BTBD9: variants seen among roughly 807,000 people sequenced by gnomAD.
BTBD9 encodes the protein BTB domain containing 9.
Under a neutral mutation model 64.3 loss-of-function variants are expected in BTBD9, and 49 were observed. The ratio of observed to expected loss-of-function variants is 0.76; its 90% CI spans 0.61 to 0.97. The LOEUF is 0.97. BTBD9 is among the 50% of genes least tolerant of loss of function. The pLI is 0.00. For synonymous variants in BTBD9, 260 were observed against 274.7 expected (o/e 0.95, Z 0.53); for missense variants, 598 against 762.1 (o/e 0.78, Z 2.53).
intron 1 of BTBD9, among the ~76,000 whole-genome samples, chr6:38,634,590 G>A (rs1273936497): frequency 2.0e-5 from 3 of 151,994 alleles, no homozygotes; most frequent in Admixed American, 1.3e-4. Context: ...AAAAAAGGGG[G>A]GGGAGAGGGC....
At chr6:38,315,092 C>T (rs1562012989) in intron 7 of BTBD9, among the ~76,000 whole-genome samples, 2 of 152,214 alleles carry the variant, frequency 1.3e-5, no homozygotes, top group Admixed American at 6.5e-5. Flanking sequence ...TCATGATCCG[C>T]CTGCCTCAGC....
chr6:38,589,516 C>T (rs961380106), intron 4 of BTBD9, among the ~76,000 whole-genome samples: 1 of 152,174 alleles, frequency 6.6e-6, no homozygotes, highest in Non-Finnish European at 1.5e-5. Context: ...TCTTCACTTG[C>T]CATCCTCCCA....
chr6:38,412,025 A>C (rs568699507), intron 6 of BTBD9, among the ~76,000 whole-genome samples: 1 of 152,280 alleles, frequency 6.6e-6, no homozygotes, highest in South Asian at 2.1e-4. Flanking sequence ...ATAATTTTAA[A>C]ATGGGTCAAT....
At chr6:38,581,760 G>GGA (rs768926325) in intron 4 of BTBD9, among the ~76,000 whole-genome samples, 2 of 152,070 alleles carry the variant, frequency 1.3e-5, no homozygotes, top group African/African-American at 2.4e-5. Context: ...GGGGTGGGGG[G>GGA]GAGACCATAT....
chr6:38,264,947 G>A (rs1764920474), intron 8 of BTBD9, among the ~76,000 whole-genome samples: 1 of 152,130 alleles, frequency 6.6e-6, no homozygotes, highest in South Asian at 2.1e-4. Flanking sequence ...CAGGAGGAGG[G>A]AAAAACTGGC....
At chr6:38,557,091 T>TA (rs1417013505) in intron 6 of BTBD9, among the ~76,000 whole-genome samples, 1 of 130,002 alleles carries the variant, frequency 7.7e-6, no homozygotes, top group African/African-American at 2.9e-5. Context: ...CTCACATCTG[T>TA]AATCCCAGCA....
At chr6:38,563,567 T>C (rs942991358) in intron 6 of BTBD9, among the ~76,000 whole-genome samples, 9 of 152,124 alleles carry the variant, frequency 5.9e-5, no homozygotes, top group South Asian at 2.1e-4. Flanking sequence ...GCATTTTTGA[T>C]AGACTACCAC....
At chr6:38,567,756 C>CATA (rs1349347176) in intron 6 of BTBD9, among the ~76,000 whole-genome samples, 1 of 152,190 alleles carries the variant, frequency 6.6e-6, no homozygotes, top group African/African-American at 2.4e-5. Flanking sequence ...GAACTTCTAC[C>CATA]ATTTATAATG....
rs534087919 is a variant in BTBD9, at chr6:38,527,111, C to T, written c.1154+50489G>A. On this transcript the variant is annotated intron_variant, in intron 6 of 10. Coordinates refer to ENST00000481247, the MANE Select transcript of BTBD9 (RefSeq NM_001099272.2). ...CCAACATAGTGAAACCCCATCTCTA[C>T]TAAAAACACAAAAAATTAGCTGGGC... Among the ~76,000 whole-genome samples, 121 of 151,538 alleles carry T rather than the reference C, an allele frequency of 8.0e-4. No homozygotes were observed. The Middle Eastern group carries it at 0.01, about 13-fold the overall frequency.
At chr6:38,343,067 G>A (rs1764164802) in intron 7 of BTBD9, among the ~76,000 whole-genome samples, 1 of 152,178 alleles carries the variant, frequency 6.6e-6, no homozygotes, top group Non-Finnish European at 1.5e-5. Flanking sequence ...ACTTGGCTGA[G>A]GGACAATAAG....
intron 6 of BTBD9, among the ~76,000 whole-genome samples, chr6:38,489,223 C>A (rs1186756603): frequency 6.6e-6 from 1 of 152,058 alleles, no homozygotes; most frequent in African/African-American, 2.4e-5. Context: ...AATGCAGATA[C>A]ACATATGCCA....
chr6:38,372,634 T>G (rs1235767763), intron 6 of BTBD9, among the ~76,000 whole-genome samples: 1 of 152,240 alleles, frequency 6.6e-6, no homozygotes, highest in Non-Finnish European at 1.5e-5. Context: ...CTTGTCGTTT[T>G]CAGCACTGAG....
At chr6:38,431,784 A>T (rs1768455050) in intron 6 of BTBD9, among the ~76,000 whole-genome samples, 1 of 152,008 alleles carries the variant, frequency 6.6e-6, no homozygotes, top group African/African-American at 2.4e-5. Flanking sequence ...GTCTGTCTAT[A>T]TCCCCATTGC....
intron 6 of BTBD9, among the ~76,000 whole-genome samples, chr6:38,378,653 C>T (rs1242009821): frequency 6.6e-6 from 1 of 151,498 alleles, no homozygotes; most frequent in South Asian, 2.1e-4. Flanking sequence ...TCAGGTAGAC[C>T]GCTTGAGGTC....
intron 6 of BTBD9, among the ~76,000 whole-genome samples, chr6:38,576,977 G>T (rs1776067838): frequency 6.6e-6 from 1 of 152,040 alleles, no homozygotes; most frequent in African/African-American, 2.4e-5. Context: ...CATATCGAGG[G>T]CTGCGATACA....
chr6:38,451,132 T>C (rs1769524175), intron 6 of BTBD9, among the ~76,000 whole-genome samples: 2 of 152,192 alleles, frequency 1.3e-5, no homozygotes, highest in African/African-American at 4.8e-5. Context: ...ACCACTACTT[T>C]GTACCACACC....
At chr6:38,525,535 G>A (rs1253081081) in intron 6 of BTBD9, among the ~76,000 whole-genome samples, 1 of 152,214 alleles carries the variant, frequency 6.6e-6, no homozygotes, top group Non-Finnish European at 1.5e-5. Context: ...ACAATTTGGA[G>A]GGCTCAGAAG....
chr6:38,210,958 C>A (rs1762813070), intron 9 of BTBD9, among the ~76,000 whole-genome samples: 1 of 152,214 alleles, frequency 6.6e-6, no homozygotes, highest in African/African-American at 2.4e-5. Context: ...TCACACACAT[C>A]TGAGTTCCTC....
intron 9 of BTBD9, among the ~76,000 whole-genome samples, chr6:38,210,976 C>T (rs982935285): frequency 6.6e-6 from 1 of 152,202 alleles, no homozygotes; most frequent in Admixed American, 6.5e-5. Context: ...CTCGGCCTAA[C>T]AGCTCCCCTC....
Sources: allele counts gnomAD v4.1 joint callset (sites outside exome capture counted in the v4.1 genomes callset), GRCh38; gene constraint gnomAD v4.1.1; transcripts MANE v1.5; gene names NCBI Gene and HGNC (gene_info 2026-07-23, HGNC 2026-07-21).